The following PDE1A variants were observed in gnomAD, a reference collection of about 807,000 sequenced individuals.
The protein encoded by PDE1A is dual specificity calcium/calmodulin-dependent 3',5'-cyclic nucleotide phosphodiesterase 1A.
In PDE1A, 35 loss-of-function variants were observed where a neutral mutation model predicts 61.7. The ratio of observed to expected loss-of-function variants is 0.57; its 90% CI spans 0.43 to 0.75. PDE1A has a LOEUF of 0.75. Ranked by LOEUF, PDE1A falls within the 30% of genes least tolerant of loss-of-function variation. PDE1A has a pLI of 0.00. For synonymous variants in PDE1A, 232 were observed against 213.2 expected (o/e 1.09, Z -0.77); for missense variants, 597 against 630.6 (o/e 0.95, Z 0.57).
chr2:182,235,528 C>A (rs191959333), intron 3 of PDE1A, among the ~76,000 whole-genome samples: 57 of 152,232 alleles, frequency 3.7e-4, no homozygotes, highest in Admixed American at 8.5e-4. Flanking sequence ...ATATAAGAAC[C>A]CCCTCCATGA....
At chr2:182,226,600 A>G (rs1689161778) in intron 6 of PDE1A, among the ~76,000 whole-genome samples, 1 of 149,792 alleles carries the variant, frequency 6.7e-6, no homozygotes, top group South Asian at 2.1e-4. Flanking sequence ...ACAGGTGCTT[A>G]AATTCATAAA....
At chr2:182,399,906 T>A (rs1266436530) in intron 1 of PDE1A, among the ~76,000 whole-genome samples, 1 of 152,156 alleles carries the variant, frequency 6.6e-6, no homozygotes, top group Non-Finnish European at 1.5e-5. Flanking sequence ...TAGATACTGA[T>A]GTTTTTATTC....
At chr2:182,523,907 T>C (rs1690706043), upstream of PDE1A, among the ~76,000 whole-genome samples, 1 of 152,138 alleles carries the variant, frequency 6.6e-6, no homozygotes, top group Admixed American at 6.6e-5. Context: ...AATGTGTACG[T>C]AAAAAGGACC....
chr2:182,708,399 G>A, the PDE1A span, among the ~76,000 whole-genome samples: 2 of 152,102 alleles, frequency 1.3e-5, no homozygotes, highest in African/African-American at 4.8e-5. Flanking sequence ...TTAAGTAAGT[G>A]CTGTCACAAA....
chr2:182,287,703 T>C (rs781602903), intron 1 of PDE1A, among the ~76,000 whole-genome samples: 4 of 152,160 alleles, frequency 2.6e-5, no homozygotes, highest in Non-Finnish European at 5.9e-5. Context: ...TCAGGTTTAC[T>C]AAGAAACAAA....
intron 13 of PDE1A, among the ~76,000 whole-genome samples, chr2:182,161,961 A>G (rs1182020941): frequency 6.6e-6 from 1 of 152,104 alleles, no homozygotes; most frequent in African/African-American, 2.4e-5. Context: ...TGAGCTGGGG[A>G]TGCCTGATCT....
intron 1 of PDE1A, among the ~76,000 whole-genome samples, chr2:182,371,004 C>T (rs576763733): frequency 7.2e-5 from 11 of 152,232 alleles, no homozygotes; most frequent in African/African-American, 2.4e-4. Context: ...ACTACTCAAA[C>T]GCAATCAATT....
chr2:182,412,564 C>T (rs1702680957), intron 1 of PDE1A, among the ~76,000 whole-genome samples: 1 of 152,114 alleles, frequency 6.6e-6, no homozygotes, highest in Non-Finnish European at 1.5e-5. Flanking sequence ...GTTATTACTG[C>T]CATGGGCTAT....
chr2:182,251,404 C>CT (rs55976233), intron 2 of PDE1A, among the ~76,000 whole-genome samples: 110,178 of 151,972 alleles, frequency 0.72, 40,667 homozygotes, highest in African/African-American at 0.87. Context: ...CTCTGTTTCT[C>CT]TTTTTTTGTG....
intron 2 of PDE1A, among the ~76,000 whole-genome samples, chr2:182,243,679 G>C (rs1158520712): frequency 6.6e-6 from 1 of 152,116 alleles, no homozygotes; most frequent in Non-Finnish European, 1.5e-5. Flanking sequence ...TGCTGTGAGA[G>C]GAATAGACAA....
chr2:182,180,439 C>T (rs1464844168), intron 13 of PDE1A, among the ~76,000 whole-genome samples: 3 of 152,130 alleles, frequency 2.0e-5, no homozygotes, highest in Admixed American at 6.5e-5. Context: ...TGTAGGGTTT[C>T]TGCTGAGAGA....
At chr2:182,577,747 C>T in the PDE1A span, among the ~76,000 whole-genome samples, 1 of 152,108 alleles carries the variant, frequency 6.6e-6, no homozygotes, top group East Asian at 1.9e-4. Context: ...TAGCAAAACC[C>T]CGTCTCTACT....
At chr2:182,343,183 C>T (rs1199568265) in intron 1 of PDE1A, among the ~76,000 whole-genome samples, 3 of 152,142 alleles carry the variant, frequency 2.0e-5, no homozygotes, top group African/African-American at 7.2e-5. Context: ...ACAATGTCAC[C>T]ACCTGCAAGG....
At chr2:182,220,129 T>A (rs1264148014) in intron 7 of PDE1A, among the ~76,000 whole-genome samples, 1 of 152,050 alleles carries the variant, frequency 6.6e-6, no homozygotes, top group Non-Finnish European at 1.5e-5. Context: ...ATAGCACATA[T>A]TTCTAAAATA....
At chr2:182,691,620 G>T in the PDE1A span, among the ~76,000 whole-genome samples, 4 of 152,120 alleles carry the variant, frequency 2.6e-5, no homozygotes, top group African/African-American at 7.2e-5. Flanking sequence ...ATAGGCATGG[G>T]CAAGGACTTC....
the PDE1A span, among the ~76,000 whole-genome samples, chr2:182,601,113 C>A: frequency 6.6e-6 from 1 of 152,356 alleles, no homozygotes; most frequent in Admixed American, 6.5e-5. Flanking sequence ...ACCCACTCGG[C>A]CTGGCAGGCT....
chr2:182,269,769 A>C (rs1437709533), intron 1 of PDE1A, among the ~76,000 whole-genome samples: 1 of 152,136 alleles, frequency 6.6e-6, no homozygotes, highest in Admixed American at 6.6e-5. Context: ...AGGTTCAAGG[A>C]AACTTTTGAG....
At chr2:182,155,464 A>C (rs1018302902) in intron 13 of PDE1A, among the ~76,000 whole-genome samples, 1 of 152,170 alleles carries the variant, frequency 6.6e-6, no homozygotes. Flanking sequence ...AAATTCTTCT[A>C]TCTGACTAAA....
the PDE1A span, among the ~76,000 whole-genome samples, chr2:182,630,444 A>G: frequency 2.0e-5 from 3 of 152,082 alleles, no homozygotes; most frequent in African/African-American, 7.2e-5. Flanking sequence ...CAGATTCTGG[A>G]TTCTTTTCCA....
Sources: gnomAD v4.1 joint callset for allele counts (sites outside exome capture counted in the v4.1 genomes callset) on GRCh38, gnomAD v4.1.1 for gene constraint, MANE v1.5 for transcripts, NCBI Gene and HGNC (gene_info 2026-07-23, HGNC 2026-07-21) for gene names.